The following GRM7 variants were observed in gnomAD, a reference collection of about 807,000 sequenced individuals.
GRM7 encodes glutamate metabotropic receptor 7.
GRM7 carries 35 observed loss-of-function variants against 84.5 expected under a neutral mutation model. The observed-to-expected ratio is 0.41, with a 90% confidence interval of 0.32 to 0.55. The LOEUF is 0.55. Among genes scored for constraint, GRM7 ranks in the 20% least tolerant of loss-of-function variants. The pLI, the probability that GRM7 is intolerant of heterozygous loss-of-function variation, is 0.19. For missense variants in GRM7, 1,003 were observed against 1,194.6 expected (o/e 0.84, Z 2.36); for synonymous variants, 487 against 455.1 (o/e 1.07, Z -0.89).
intron 2 of GRM7, among the ~76,000 whole-genome samples, chr3:7,259,616 A>G (rs1245476711): frequency 6.6e-6 from 1 of 152,198 alleles, no homozygotes; most frequent in Non-Finnish European, 1.5e-5. Flanking sequence ...AAAGGACATG[A>G]TCTCATTCTT....
At chr3:6,935,763 T>C (rs1697669796) in intron 1 of GRM7, among the ~76,000 whole-genome samples, 1 of 151,538 alleles carries the variant, frequency 6.6e-6, no homozygotes, top group East Asian at 1.9e-4. Flanking sequence ...TGGTGAGATC[T>C]TGGCTCACTG....
At chr3:7,075,161 A>C (rs752204883) in intron 1 of GRM7, among the ~76,000 whole-genome samples, 1 of 152,208 alleles carries the variant, frequency 6.6e-6, no homozygotes, top group Non-Finnish European at 1.5e-5. Flanking sequence ...GTATGGACTC[A>C]GATGAATCTT....
At chr3:7,457,138 A>G (rs1698051031) in intron 6 of GRM7, among the ~76,000 whole-genome samples, 1 of 152,146 alleles carries the variant, frequency 6.6e-6, no homozygotes, top group Non-Finnish European at 1.5e-5. Context: ...GCTTGAGATT[A>G]TGTTTCACTG....
intron 1 of GRM7, among the ~76,000 whole-genome samples, chr3:7,019,173 AT>A (rs1043986227): frequency 1.3e-5 from 2 of 152,162 alleles, no homozygotes; most frequent in Admixed American, 6.5e-5. Flanking sequence ...AATTGTCACA[AT>A]TTTTTTGAAG....
intron 1 of GRM7, among the ~76,000 whole-genome samples, chr3:7,082,054 C>G (rs1467555279): frequency 6.6e-6 from 1 of 152,024 alleles, no homozygotes; most frequent in African/African-American, 2.4e-5. Context: ...AGCAATTTAT[C>G]CAGAAAACCT....
chr3:7,568,260 A>T (rs73809425), intron 7 of GRM7, among the ~76,000 whole-genome samples: 1 of 151,734 alleles, frequency 6.6e-6, no homozygotes, highest in East Asian at 1.9e-4. Context: ...TAAAGACAAG[A>T]TGTATTAGAC....
intron 8 of GRM7, among the ~76,000 whole-genome samples, chr3:7,644,343 C>G (rs969248220): frequency 2.0e-5 from 3 of 152,082 alleles, no homozygotes; most frequent in Admixed American, 6.6e-5. Context: ...TGTGGACATG[C>G]ATAAACATAT....
At chr3:7,686,547 T>C in intron 9 of GRM7, 1 of 621,658 alleles carries the variant, frequency 1.6e-6, no homozygotes. Context: ...CCTGAAAATA[T>C]ATCTATAGGA....
chr3:6,888,218 A>G (rs1462569097), intron 1 of GRM7, among the ~76,000 whole-genome samples: 4 of 152,040 alleles, frequency 2.6e-5, no homozygotes, highest in African/African-American at 9.7e-5. Flanking sequence ...TTTGCTGTGC[A>G]GAAGCTCTTT....
chr3:6,925,620 C>G (rs1162880304), intron 1 of GRM7, among the ~76,000 whole-genome samples: 1 of 152,160 alleles, frequency 6.6e-6, no homozygotes, highest in Non-Finnish European at 1.5e-5. Flanking sequence ...GGAATTCACT[C>G]TATAAACCAG....
intron 5 of GRM7, among the ~76,000 whole-genome samples, chr3:7,435,570 T>A (rs914239710): frequency 9.9e-5 from 15 of 152,030 alleles, no homozygotes; most frequent in Non-Finnish European, 1.9e-4. Flanking sequence ...TGGAGTACAA[T>A]GGCACGATCT....
At chr3:7,187,977 A>G (rs1164798365) in intron 2 of GRM7, among the ~76,000 whole-genome samples, 1 of 152,222 alleles carries the variant, frequency 6.6e-6, no homozygotes, top group African/African-American at 2.4e-5. Context: ...GGATATCATT[A>G]AAAGCCAAAT....
At chr3:7,339,066 G>A (rs1255905279) in intron 4 of GRM7, among the ~76,000 whole-genome samples, 3 of 151,956 alleles carry the variant, frequency 2.0e-5, no homozygotes, top group African/African-American at 4.8e-5. Flanking sequence ...ATTATATTTA[G>A]CAATAGTTTG....
intron 1 of GRM7, among the ~76,000 whole-genome samples, chr3:7,084,748 T>C (rs759229475): frequency 1.4e-4 from 21 of 152,178 alleles, no homozygotes; most frequent in Non-Finnish European, 2.4e-4. Flanking sequence ...TTGTTGTACG[T>C]AGACTTATAT....
intron 1 of GRM7, among the ~76,000 whole-genome samples, chr3:7,067,116 A>C (rs1386082211): frequency 6.6e-6 from 1 of 151,972 alleles, no homozygotes; most frequent in East Asian, 1.9e-4. Context: ...GGAACAAGAC[A>C]AGGATGCCCA....
intron 1 of GRM7, among the ~76,000 whole-genome samples, chr3:7,020,428 A>G (rs1164105577): frequency 1.3e-5 from 2 of 152,190 alleles, no homozygotes; most frequent in African/African-American, 4.8e-5. Context: ...CAAATGTTCA[A>G]TCAAATGCAA....
At chr3:7,238,010 A>T (rs1284974935) in intron 2 of GRM7, among the ~76,000 whole-genome samples, 2 of 152,164 alleles carry the variant, frequency 1.3e-5, no homozygotes, top group Non-Finnish European at 2.9e-5. Flanking sequence ...AAAGTTCTCC[A>T]AGTCTCCACC....
intron 1 of GRM7, among the ~76,000 whole-genome samples, chr3:6,889,110 G>T (rs369161868): frequency 1.8e-4 from 27 of 152,076 alleles, no homozygotes; most frequent in African/African-American, 4.8e-4. Flanking sequence ...GAAGTTGCTT[G>T]TCAGCTTAAG....
intron 1 of GRM7, among the ~76,000 whole-genome samples, chr3:6,964,146 C>T (rs1015506749): frequency 2.6e-5 from 4 of 152,140 alleles, no homozygotes; most frequent in South Asian, 2.1e-4. Context: ...TAGCTTTTGA[C>T]GCTGTTAAAT....
Sources: allele counts gnomAD v4.1 joint callset (sites outside exome capture counted in the v4.1 genomes callset), GRCh38; gene constraint gnomAD v4.1.1; transcripts MANE v1.5; gene names NCBI Gene and HGNC (gene_info 2026-07-23, HGNC 2026-07-21).